OPA1: variants seen among roughly 807,000 people sequenced by gnomAD.
OPA1 encodes dynamin-like GTPase OPA1, mitochondrial.
In OPA1, 59 loss-of-function variants were observed where a neutral mutation model predicts 152.9. The ratio of observed to expected loss-of-function variants is 0.39; its 90% CI spans 0.31 to 0.48. The LOEUF is 0.48. Among genes scored for constraint, OPA1 ranks in the 20% least tolerant of loss-of-function variants. The probability of loss-of-function intolerance (pLI) is 0.96; values close to 1 mark genes in which losing one functional copy is unlikely to be tolerated. For synonymous variants in OPA1, 400 were observed against 389.9 expected, an observed-to-expected ratio of 1.03 and a Z score of -0.31; for missense variants, 1,008 against 1,216.8, an observed-to-expected ratio of 0.83 and a Z score of 2.55.
intron 5 of OPA1, chr3:193,618,502 G>GA (rs1222829477): frequency 2.9e-4 from 55 of 192,296 alleles, no homozygotes; most frequent in South Asian, 6.0e-4. Flanking sequence ...AAAAAGAAAA[G>GA]AAAAAAAAAT....
At chr3:193,665,704 G>A (rs1014400118) in intron 27 of OPA1, among the ~76,000 whole-genome samples, 2 of 152,004 alleles carry the variant, frequency 1.3e-5, no homozygotes, top group African/African-American at 4.8e-5. Context: ...GTTTTCAGTA[G>A]ATGAACATAA....
At chr3:193,668,783 C>T (rs1421279951) in intron 29 of OPA1, 4 of 1,204,468 alleles carry the variant, frequency 3.3e-6, no homozygotes, top group Non-Finnish European at 4.2e-6. Context: ...CACTTTGTCA[C>T]TGTTTGGGGT....
At chr3:193,667,821 A>C (rs1716979255) in intron 29 of OPA1, among the ~76,000 whole-genome samples, 1 of 152,168 alleles carries the variant, frequency 6.6e-6, no homozygotes, top group Non-Finnish European at 1.5e-5. Flanking sequence ...AACATTGATA[A>C]ATTACAATAT....
chr3:193,627,380 G>A (rs1242778285), intron 7 of OPA1: 2 of 152,090 alleles, frequency 1.3e-5, no homozygotes, highest in Non-Finnish European at 2.9e-5. Context: ...AATTAAAGTC[G>A]ATGTGTTAAG....
chr3:193,612,673 A>G (rs1241460485), intron 1 of OPA1, among the ~76,000 whole-genome samples: 1 of 152,202 alleles, frequency 6.6e-6, no homozygotes, highest in Non-Finnish European at 1.5e-5. Context: ...CTGAAAATGC[A>G]CATGTTCTGG....
chr3:193,681,211 C>T (rs1194712352), intron 29 of OPA1, among the ~76,000 whole-genome samples: 1 of 152,204 alleles, frequency 6.6e-6, no homozygotes, highest in East Asian at 1.9e-4. Flanking sequence ...TATTGTCCCT[C>T]TATGGCCCTG....
At chr3:193,646,766 C>T (rs1353529245) in intron 18 of OPA1, among the ~76,000 whole-genome samples, 1 of 151,902 alleles carries the variant, frequency 6.6e-6, no homozygotes, top group African/African-American at 2.4e-5. Flanking sequence ...GTGCAAGATT[C>T]CAATTCAAAA....
intron 7 of OPA1, among the ~76,000 whole-genome samples, chr3:193,629,121 C>G (rs1731659703): frequency 6.6e-6 from 1 of 152,102 alleles, no homozygotes; most frequent in Non-Finnish European, 1.5e-5. Flanking sequence ...TCATGTTGGT[C>G]AGGCTGGTCT....
chr3:193,605,369 A>C (rs1727097508), intron 1 of OPA1, among the ~76,000 whole-genome samples: 1 of 152,216 alleles, frequency 6.6e-6, no homozygotes, highest in African/African-American at 2.4e-5. Flanking sequence ...GGAGTGTTAC[A>C]GGGGCTGGTG....
chr3:193,643,314 A>G, intron 13 of OPA1, 59 bp from the exon 14 acceptor site: 2 of 1,402,488 alleles, frequency 1.4e-6, no homozygotes, highest in Non-Finnish European at 2.0e-6. Context: ...ACCAAAAAAA[A>G]TTCTTGACAA....
intron 21 of OPA1, among the ~76,000 whole-genome samples, chr3:193,651,101 A>G (rs1712316664): frequency 6.6e-6 from 1 of 152,212 alleles, no homozygotes. Flanking sequence ...GGCAGGAGAT[A>G]AAACAGTAGA....
At chr3:193,688,336 C>G (rs781408709) in intron 29 of OPA1, among the ~76,000 whole-genome samples, 6 of 151,290 alleles carry the variant, frequency 4.0e-5, no homozygotes, top group Non-Finnish European at 8.8e-5. Flanking sequence ...AAGAGGGCAT[C>G]ATTTTCATCA....
intron 7 of OPA1, among the ~76,000 whole-genome samples, chr3:193,628,141 C>T (rs1013281744): frequency 2.0e-5 from 3 of 152,056 alleles, no homozygotes; most frequent in African/African-American, 7.2e-5. Flanking sequence ...TCATTCCAGG[C>T]ATGTGAGGTT....
intron 1 of OPA1, among the ~76,000 whole-genome samples, chr3:193,611,807 C>T (rs1238811632): frequency 3.3e-5 from 5 of 151,558 alleles, no homozygotes; most frequent in African/African-American, 4.8e-5. Flanking sequence ...TATTTCTAAG[C>T]GACTTCTGTA....
At chr3:193,662,378 A>G (rs1236431348) in intron 25 of OPA1, among the ~76,000 whole-genome samples, 1 of 152,198 alleles carries the variant, frequency 6.6e-6, no homozygotes, top group Non-Finnish European at 1.5e-5. Flanking sequence ...AACAAGTTTA[A>G]GTCCTTACAG....
chr3:193,657,011 G>A (rs1268610089), intron 22 of OPA1, 69 bp from the exon 23 acceptor site: 14 of 1,374,034 alleles, frequency 1.0e-5, no homozygotes, highest in Non-Finnish European at 1.4e-5. Flanking sequence ...TTGAGCTCGT[G>A]TTATTTTTCA....
chr3:193,608,023 A>T (rs918424105), intron 1 of OPA1, among the ~76,000 whole-genome samples: 3 of 152,162 alleles, frequency 2.0e-5, no homozygotes, highest in African/African-American at 7.2e-5. Flanking sequence ...CTTTGAAGCA[A>T]TTGTGAATGA....
intron 1 of OPA1, among the ~76,000 whole-genome samples, chr3:193,602,312 G>A (rs890007327): frequency 6.6e-6 from 1 of 152,148 alleles, no homozygotes; most frequent in Non-Finnish European, 1.5e-5. Context: ...ACTTGGTATG[G>A]TCCCATCCAA....
At chr3:193,649,291 T>C (rs545631423) in intron 21 of OPA1, among the ~76,000 whole-genome samples, 1 of 152,288 alleles carries the variant, frequency 6.6e-6, no homozygotes, top group East Asian at 1.9e-4. Context: ...TGTATACAAA[T>C]CACATTTTGA....
Sources: gnomAD v4.1 joint callset for allele counts (sites outside exome capture counted in the v4.1 genomes callset) on GRCh38, gnomAD v4.1.1 for gene constraint, MANE v1.5 for transcripts, NCBI Gene and HGNC (gene_info 2026-07-23, HGNC 2026-07-21) for gene names.